Variants in SYNE2 observed in about 807,000 individuals in gnomAD.
SYNE2 encodes the protein spectrin repeat containing nuclear envelope protein 2.
SYNE2 carries 431 observed loss-of-function variants against 856.3 expected under a neutral mutation model. That is an observed-to-expected ratio of 0.50 (90% CI 0.47 to 0.55). The LOEUF is 0.55. Ranked by LOEUF, SYNE2 falls within the 20% of genes least tolerant of loss-of-function variation. The pLI is 0.00. For missense variants in SYNE2, 8,129 were observed against 8,023.2 expected, an observed-to-expected ratio of 1.01 and a Z score of -0.50; for synonymous variants, 2,923 against 2,872.3, an observed-to-expected ratio of 1.02 and a Z score of -0.56.
At chr14:63,771,108 G>C (rs999996092) in intron 1 of SYNE2, among the ~76,000 whole-genome samples, 32 of 135,600 alleles carry the variant, frequency 2.4e-4, no homozygotes, top group African/African-American at 8.5e-4. Context: ...CTCGCTCTGT[G>C]GCCCAGGCGG....
chr14:63,966,945 A>T (rs1454355916), intron 10 of SYNE2, among the ~76,000 whole-genome samples: 2 of 151,780 alleles, frequency 1.3e-5, no homozygotes, highest in African/African-American at 4.8e-5. Flanking sequence ...GGCTCACTGC[A>T]ACCTCTGCCT....
At chr14:64,065,839 AT>A (rs2097355214) in intron 51 of SYNE2, among the ~76,000 whole-genome samples, 189 bp downstream of exon 51, 1 of 152,208 alleles carries the variant, frequency 6.6e-6, no homozygotes, top group African/African-American at 2.4e-5. Flanking sequence ...ACTTATTCAG[AT>A]TATTTTATAG....
intron 1 of SYNE2, among the ~76,000 whole-genome samples, chr14:63,769,541 G>A (rs1336791030): frequency 2.6e-5 from 4 of 151,926 alleles, no homozygotes; most frequent in Non-Finnish European, 4.4e-5. Flanking sequence ...GGTGGCGGGC[G>A]CCGGTAGTCC....
intron 32 of SYNE2, among the ~76,000 whole-genome samples, chr14:64,015,178 CT>C: frequency 6.7e-6 from 1 of 150,246 alleles, no homozygotes; most frequent in South Asian, 2.1e-4. Flanking sequence ...ATTGTAGTTT[CT>C]TTTTTGGTAC....
intron 6 of SYNE2, among the ~76,000 whole-genome samples, chr14:63,948,385 C>T (rs927022277): frequency 5.3e-5 from 8 of 151,934 alleles, no homozygotes; most frequent in Admixed American, 2.0e-4. Flanking sequence ...TTGCTTAGGC[C>T]GGGTGCGGTG....
chr14:64,026,825 A>G, intron 42 of SYNE2, 95 bp downstream of exon 42: 1 of 1,438,376 alleles, frequency 7.0e-7, no homozygotes, highest in South Asian at 1.2e-5. Context: ...TGGATATAAT[A>G]TCTGCTAGAG....
chr14:63,940,070 A>ATTTTTTTTTTTTTTTTTTTTTTTTTTT (rs10666086), intron 2 of SYNE2, among the ~76,000 whole-genome samples: 1 of 129,400 alleles, frequency 7.7e-6, no homozygotes, highest in Non-Finnish European at 1.6e-5. Context: ...GTCTCAGTTC[A>ATTTTTTTTTTTTTTTTTTTTTTTTTTT]TTTTTTTTTT....
chr14:63,933,163 A>G (rs921392936), intron 2 of SYNE2, among the ~76,000 whole-genome samples: 6 of 152,202 alleles, frequency 3.9e-5, no homozygotes, highest in African/African-American at 1.4e-4. Flanking sequence ...CATAGAGTAG[A>G]GAACACTCTT....
intron 1 of SYNE2, among the ~76,000 whole-genome samples, chr14:63,765,365 T>A (rs1040080184): frequency 1.4e-4 from 21 of 152,286 alleles, no homozygotes; most frequent in African/African-American, 5.1e-4. Flanking sequence ...TTTTGTTTTT[T>A]GTTTTGAGAT....
At chr14:63,820,700 GT>G (rs1339371991) in intron 1 of SYNE2, among the ~76,000 whole-genome samples, 1 of 151,478 alleles carries the variant, frequency 6.6e-6, no homozygotes, top group Admixed American at 6.6e-5. Flanking sequence ...ATCAGTGCTT[GT>G]TTTGGGATGG....
At position 63,814,413 on chromosome 14, in the gene SYNE2, A is replaced by G. The variant is rs181799267; in HGVS notation, c.-304-38088A>G. 3.4e-3 allele frequency among the ~76,000 whole-genome samples: 505 copies of G among 146,886 alleles called. 3 individuals are homozygous for G. The highest frequency in any genetic ancestry group is 0.012 in the African/African-American group (475 of 40,442). ...TATATATCCATAAACATATCCATAT[A>G]TATAATATATATCCTTATATATATC... On this transcript the variant is annotated intron_variant, in intron 1 of 23. Transcript: ENST00000674003.
chr14:63,974,164 G>A (rs1190164169), intron 11 of SYNE2, among the ~76,000 whole-genome samples: 1 of 152,172 alleles, frequency 6.6e-6, no homozygotes, highest in Admixed American at 6.5e-5. Context: ...CTTAAGACCA[G>A]GACTTTTCAT....
chr14:64,130,458 T>C (rs2098004640), intron 76 of SYNE2, among the ~76,000 whole-genome samples: 1 of 152,230 alleles, frequency 6.6e-6, no homozygotes, highest in African/African-American at 2.4e-5. Context: ...ACACAGTTCC[T>C]TACATTCACA....
At chr14:64,179,978 A>G (rs956485240) in intron 96 of SYNE2, among the ~76,000 whole-genome samples, 8 of 152,192 alleles carry the variant, frequency 5.3e-5, no homozygotes, top group African/African-American at 1.4e-4. Flanking sequence ...ACGTGCTTAC[A>G]TTCTCTTCAA....
At chr14:64,122,894 G>C (rs573225725) in intron 70 of SYNE2, among the ~76,000 whole-genome samples, 1 of 152,244 alleles carries the variant, frequency 6.6e-6, no homozygotes, top group South Asian at 2.1e-4. Flanking sequence ...CCTGAGGTCA[G>C]GAGTTCAAGA....
rs113185499 is a variant in SYNE2, at chr14:63,783,665, A to G, written c.-305+21679A>G. Among the ~76,000 whole-genome samples, 206 of 152,366 alleles carry G rather than the reference A, an allele frequency of 1.4e-3. 2 individuals are homozygous for G. Among genetic ancestry groups the G allele is most frequent in the African/African-American group, 4.6e-3 (191 of 41,594 alleles). The stretch of plus-strand genomic sequence containing the variant: ...GAAACATAAGACACATCCAAATTGA[A>G]TAACATTCTACAAAATATCTGGCCA... On this transcript the variant is annotated intron_variant, in intron 1 of 23. Transcript: ENST00000674003.
chr14:63,946,261 A>T (rs907591244), intron 6 of SYNE2, among the ~76,000 whole-genome samples: 23 of 151,856 alleles, frequency 1.5e-4, no homozygotes, highest in African/African-American at 5.6e-4. Context: ...ATCTCTGCAA[A>T]AATAAAAATA....
At chr14:63,941,859 G>C (rs777392905) in intron 4 of SYNE2, 26 bp from the exon 5 acceptor site, 3 of 1,612,312 alleles carry the variant, frequency 1.9e-6, no homozygotes, top group South Asian at 2.2e-5. Context: ...TTTTTTCTGA[G>C]TAATATATTT....
intron 41 of SYNE2, among the ~76,000 whole-genome samples, chr14:64,025,687 A>G (rs927199770): frequency 7.2e-5 from 11 of 152,224 alleles, no homozygotes; most frequent in Non-Finnish European, 1.3e-4. Flanking sequence ...GAAGAATTGA[A>G]ATAAAGACAA....
Sources: gnomAD v4.1 joint callset for allele counts (sites outside exome capture counted in the v4.1 genomes callset) on GRCh38, gnomAD v4.1.1 for gene constraint, MANE v1.5 for transcripts, NCBI Gene and HGNC (gene_info 2026-07-23, HGNC 2026-07-21) for gene names.